The following KIAA1217 variants were observed in gnomAD, a reference collection of about 807,000 sequenced individuals.
KIAA1217 encodes the protein KIAA1217.
A neutral mutation model predicts 163.9 loss-of-function variants in KIAA1217; 88 were observed. The observed-to-expected ratio is 0.54, with a 90% CI of 0.45 to 0.64. KIAA1217 has a LOEUF of 0.64. Ranked by LOEUF, KIAA1217 falls within the 30% of genes least tolerant of loss-of-function variation. The probability of loss-of-function intolerance (pLI) is 0.00; values close to 1 mark genes in which losing one functional copy is unlikely to be tolerated. For synonymous variants in KIAA1217, 903 were observed against 923.1 expected (o/e 0.98, Z 0.39); for missense variants, 2,372 against 2,475.0 (o/e 0.96, Z 0.88).
At chr10:23,981,946 A>G (rs1005813213) in intron 1 of KIAA1217, among the ~76,000 whole-genome samples, 44 of 152,048 alleles carry the variant, frequency 2.9e-4, no homozygotes, top group African/African-American at 9.9e-4. Context: ...GACCAAACCA[A>G]AGAAAATGAT....
chr10:24,360,268 G>A (rs1055523910), intron 2 of KIAA1217, among the ~76,000 whole-genome samples: 2 of 151,884 alleles, frequency 1.3e-5, no homozygotes, highest in Non-Finnish European at 2.9e-5. Flanking sequence ...GGCTGGTCTT[G>A]AACTCCTGAC....
At chr10:24,348,464 C>A (rs1412115869) in intron 2 of KIAA1217, among the ~76,000 whole-genome samples, 2 of 152,146 alleles carry the variant, frequency 1.3e-5, no homozygotes, top group African/African-American at 4.8e-5. Context: ...GTGAAAATAT[C>A]ATTGCAGATA....
intron 1 of KIAA1217, among the ~76,000 whole-genome samples, chr10:23,969,748 A>G (rs1466013039): frequency 6.6e-6 from 1 of 152,146 alleles, no homozygotes; most frequent in Non-Finnish European, 1.5e-5. Context: ...TCATTTTCTT[A>G]ATAAAATCAC....
Position 23,919,734 on chromosome 10 carries a change from G to C in KIAA1217, c.-320-87491G>C, listed in dbSNP as rs1020676444. On this transcript the variant is annotated intron_variant, in intron 1 of 18. Transcript: ENST00000376462. ...TCTTATGCTCTGGGAGCAGATGACA[G>C]TGTTCATTAACACAAGGCTTTAGTT... 2.0e-5 allele frequency among the ~76,000 whole-genome samples: 3 copies of C among 151,752 alleles called. No individual in the cohort carries two copies. In the South Asian group the frequency reaches 6.2e-4, roughly 32 times the overall value.
intron 2 of KIAA1217, among the ~76,000 whole-genome samples, chr10:24,319,813 A>G (rs1299625523): frequency 1.3e-5 from 2 of 152,250 alleles, no homozygotes; most frequent in African/African-American, 2.4e-5. Context: ...ACAAGCCAGC[A>G]TTAAATCCAC....
chr10:23,993,552 G>GTTTTTTTTTT (rs1564594837), intron 1 of KIAA1217, among the ~76,000 whole-genome samples: 13 of 39,432 alleles, frequency 3.3e-4, no homozygotes, highest in African/African-American at 4.8e-4. Flanking sequence ...CCATAGCCCA[G>GTTTTTTTTTT]CTTTTTTTTT....
intron 2 of KIAA1217, among the ~76,000 whole-genome samples, chr10:24,089,437 T>G (rs2061839484): frequency 8.0e-6 from 1 of 125,270 alleles, no homozygotes. Flanking sequence ...AGGTCTAACA[T>G]TTAAGTCTTT....
At chr10:23,850,364 C>T (rs1839250350) in intron 1 of KIAA1217, among the ~76,000 whole-genome samples, 1 of 152,098 alleles carries the variant, frequency 6.6e-6, no homozygotes, top group Non-Finnish European at 1.5e-5. Context: ...TAATCATGGC[C>T]TCAATTCTTT....
At chr10:24,158,641 G>A in intron 2 of KIAA1217, 1 of 510,018 alleles carries the variant, frequency 2.0e-6, no homozygotes, top group East Asian at 5.0e-5. Context: ...CAAAACTTTA[G>A]GTACACTAGC....
chr10:24,076,623 C>T (rs983049795), intron 2 of KIAA1217, among the ~76,000 whole-genome samples: 4 of 152,100 alleles, frequency 2.6e-5, no homozygotes, highest in Non-Finnish European at 5.9e-5. Flanking sequence ...AAGATGAGTG[C>T]CTTACCTCAG....
intron 1 of KIAA1217, among the ~76,000 whole-genome samples, chr10:23,816,358 T>A (rs1432456706): frequency 6.6e-6 from 1 of 152,144 alleles, no homozygotes; most frequent in East Asian, 1.9e-4. Context: ...AGTGGTGCTA[T>A]CTCGGCTCAC....
chr10:24,372,134 G>A (rs1252036025), intron 2 of KIAA1217, among the ~76,000 whole-genome samples: 1 of 152,168 alleles, frequency 6.6e-6, no homozygotes, highest in East Asian at 1.9e-4. Context: ...TTTGGTCGAG[G>A]TTCTGCTGCT....
chr10:24,269,627 T>C (rs2131925256), intron 2 of KIAA1217, among the ~76,000 whole-genome samples: 1 of 152,314 alleles, frequency 6.6e-6, no homozygotes. Context: ...CCATTCCCTC[T>C]GGGCTTACCA....
In KIAA1217 at chr10:24,547,752, T is replaced by A. The variant is rs2075775412; in HGVS notation, c.*1428T>A. ...AGAAAGCAAACCTGGATACAGAGTTTCCACCCTCAGTTCCTGGAGGGGCTC... is the reference window on the plus strand; with the variant it reads ...AGAAAGCAAACCTGGATACAGAGTTACCACCCTCAGTTCCTGGAGGGGCTC... On this transcript the variant is annotated 3_prime_UTR_variant, in exon 21 of 21. Transcript: ENST00000376454. 2 of 152,188 alleles carry A rather than the reference T, an allele frequency of 1.3e-5. No homozygotes were observed. The highest frequency in any genetic ancestry group is 2.9e-5 in the Non-Finnish European group (2 of 68,036). 9.4% of individuals were successfully genotyped at this position (152,188 alleles called of 1,614,324 possible).
intron 2 of KIAA1217, among the ~76,000 whole-genome samples, chr10:24,144,546 A>C (rs1339162077): frequency 6.6e-6 from 1 of 152,210 alleles, no homozygotes; most frequent in African/African-American, 2.4e-5. Flanking sequence ...AAAGTAATCT[A>C]ACATGACTAA....
Position 24,470,864 on chromosome 10 carries a change from G to A in KIAA1217, c.847-2364G>A, listed in dbSNP as rs115574095. On this transcript the variant is annotated intron_variant, in intron 5 of 20. Transcript: ENST00000376454. ...ACTTGCAGGGCAGGGATTCTACACCGCTGGATCCTTCCAGGAGCAAGATAA... is the reference window on the plus strand; with the variant it reads ...ACTTGCAGGGCAGGGATTCTACACCACTGGATCCTTCCAGGAGCAAGATAA... Among the ~76,000 whole-genome samples, 202 of 152,208 alleles carry A rather than the reference G, an allele frequency of 1.3e-3. 2 individuals are homozygous for A. The highest frequency in any genetic ancestry group is 4.6e-3 in the African/African-American group (192 of 41,514).
intron 1 of KIAA1217, among the ~76,000 whole-genome samples, chr10:23,818,373 G>A (rs1001167567): frequency 1.1e-3 from 130 of 121,476 alleles, no homozygotes; most frequent in African/African-American, 4.0e-3. Context: ...TATATATATA[G>A]CCATGCTCCC....
chr10:23,909,115 C>T (rs1360300187), intron 1 of KIAA1217, among the ~76,000 whole-genome samples: 2 of 152,120 alleles, frequency 1.3e-5, no homozygotes, highest in East Asian at 1.9e-4. Context: ...GTAACCAAAA[C>T]ATCATACGTT....
intron 2 of KIAA1217, among the ~76,000 whole-genome samples, chr10:24,249,493 A>G (rs577390380): frequency 6.6e-6 from 1 of 152,318 alleles, no homozygotes; most frequent in South Asian, 2.1e-4. Flanking sequence ...CATTAGAAAA[A>G]TGGGCCAAGT....
Sources: gnomAD v4.1 joint callset for allele counts (sites outside exome capture counted in the v4.1 genomes callset) on GRCh38, gnomAD v4.1.1 for gene constraint, MANE v1.5 for transcripts, NCBI Gene and HGNC (gene_info 2026-07-23, HGNC 2026-07-21) for gene names.